The following UNC79 variants were observed in gnomAD, a reference collection of about 807,000 sequenced individuals.
UNC79 encodes the protein unc-79 subunit of NALCN channel complex.
UNC79 carries 37 observed loss-of-function variants against 283.1 expected under a neutral mutation model. The ratio of observed to expected loss-of-function variants is 0.13; its 90% CI spans 0.10 to 0.17. The LOEUF is 0.17. UNC79 is among the 10% of genes least tolerant of loss of function. The probability of loss-of-function intolerance (pLI) is 1.00; values close to 1 mark genes in which losing one functional copy is unlikely to be tolerated. For synonymous variants in UNC79, 1,107 were observed against 1,200.2 expected, an observed-to-expected ratio of 0.92 and a Z score of 1.61; for missense variants, 2,272 against 3,211.1, an observed-to-expected ratio of 0.71 and a Z score of 7.07.
chr14:93,537,595 G>T (rs1414926894), intron 11 of UNC79, among the ~76,000 whole-genome samples: 2 of 152,194 alleles, frequency 1.3e-5, no homozygotes, highest in Non-Finnish European at 1.5e-5. Context: ...CTTCCCTGAT[G>T]TGCTGTGATG....
intron 7 of UNC79, among the ~76,000 whole-genome samples, chr14:93,513,902 C>A (rs1033313228): frequency 6.6e-6 from 1 of 152,108 alleles, no homozygotes; most frequent in Admixed American, 6.6e-5. Flanking sequence ...AACTATGACT[C>A]CTATAGCATT....
chr14:93,609,237 G>A (rs1310158407), intron 26 of UNC79, among the ~76,000 whole-genome samples: 2 of 152,156 alleles, frequency 1.3e-5, no homozygotes, highest in Non-Finnish European at 2.9e-5. Context: ...CACCTTGCAA[G>A]GTGAAGAGAG....
intron 8 of UNC79, 52 bp from the exon 9 acceptor site, chr14:93,528,506 A>T: frequency 2.0e-6 from 3 of 1,524,534 alleles, no homozygotes; most frequent in Non-Finnish European, 2.7e-6. Context: ...GAATATAGGG[A>T]ATGTGATACC....
chr14:93,703,495 C>T (rs1334777547), intron 47 of UNC79, among the ~76,000 whole-genome samples: 1 of 152,144 alleles, frequency 6.6e-6, no homozygotes, highest in Non-Finnish European at 1.5e-5. Flanking sequence ...CTAAACTCCC[C>T]TTTTTATAAG....
At chr14:93,416,823 A>G (rs2055471091) in intron 1 of UNC79, among the ~76,000 whole-genome samples, 1 of 152,052 alleles carries the variant, frequency 6.6e-6, no homozygotes, top group African/African-American at 2.4e-5. Context: ...AGTCTGTTTT[A>G]TCAGAGACTA....
intron 1 of UNC79, among the ~76,000 whole-genome samples, chr14:93,411,852 G>T (rs11621603): frequency 0.71 from 107,460 of 152,064 alleles, 38,452 homozygotes; most frequent in Middle Eastern, 0.78. Context: ...AGGAAACTGA[G>T]AAATATCTAA....
chr14:93,454,330 C>T (rs2056735628), intron 1 of UNC79, among the ~76,000 whole-genome samples: 1 of 152,168 alleles, frequency 6.6e-6, no homozygotes, highest in Non-Finnish European at 1.5e-5. Flanking sequence ...CAGGCATGAG[C>T]CATCACATCT....
chr14:93,486,315 G>A (rs1391113368), intron 4 of UNC79, among the ~76,000 whole-genome samples: 1 of 152,126 alleles, frequency 6.6e-6, no homozygotes, highest in Non-Finnish European at 1.5e-5. Flanking sequence ...TCCTAATAAA[G>A]TTTCTCCTGT....
chr14:93,402,438 A>C (rs2055130056), intron 1 of UNC79, among the ~76,000 whole-genome samples: 2 of 151,974 alleles, frequency 1.3e-5, no homozygotes, highest in African/African-American at 2.4e-5. Context: ...AAAATGCATA[A>C]GGAGGAAAAA....
chr14:93,642,150 C>A (rs147847702), intron 33 of UNC79, among the ~76,000 whole-genome samples: 2 of 152,030 alleles, frequency 1.3e-5, no homozygotes, highest in Non-Finnish European at 2.9e-5. Flanking sequence ...AGGGGCCAGG[C>A]GCGGTGGCTC....
At chr14:93,566,907 A>G (rs146493878) in intron 14 of UNC79, among the ~76,000 whole-genome samples, 121 of 152,194 alleles carry the variant, frequency 8.0e-4, no homozygotes, top group Admixed American at 1.5e-3. Flanking sequence ...TTGAGCCACC[A>G]CGCTCGGCCT....
chr14:93,555,455 G>C (rs2062123199), intron 14 of UNC79, among the ~76,000 whole-genome samples: 1 of 152,030 alleles, frequency 6.6e-6, no homozygotes, highest in Non-Finnish European at 1.5e-5. Context: ...CCAGGCTGGA[G>C]AGCAGTGGTG....
intron 34 of UNC79, among the ~76,000 whole-genome samples, chr14:93,646,341 G>A (rs1393060671): frequency 6.6e-6 from 1 of 152,166 alleles, no homozygotes; most frequent in Non-Finnish European, 1.5e-5. Flanking sequence ...TGGCCTGGCT[G>A]CAGGCACCAT....
At chr14:93,659,946 C>T (rs1199428361) in intron 39 of UNC79, among the ~76,000 whole-genome samples, 1 of 152,106 alleles carries the variant, frequency 6.6e-6, no homozygotes, top group Non-Finnish European at 1.5e-5. Context: ...TCTGTAGTAA[C>T]TTTTTCCTGT....
chr14:93,452,986 T>C (rs1043108773), intron 1 of UNC79, among the ~76,000 whole-genome samples: 2 of 152,228 alleles, frequency 1.3e-5, no homozygotes, highest in Non-Finnish European at 2.9e-5. Flanking sequence ...TTCTTCTGAA[T>C]TCTGTAGTAT....
intron 14 of UNC79, among the ~76,000 whole-genome samples, chr14:93,551,173 C>T (rs1281750496): frequency 6.6e-6 from 1 of 152,184 alleles, no homozygotes; most frequent in Non-Finnish European, 1.5e-5. Flanking sequence ...CCTCAACCTC[C>T]CGAGTAGCTG....
chr14:93,653,044 C>T (rs2070466078), intron 35 of UNC79, among the ~76,000 whole-genome samples: 1 of 152,094 alleles, frequency 6.6e-6, no homozygotes, highest in Non-Finnish European at 1.5e-5. Context: ...ATTAGGTAAG[C>T]AGTACTTCTT....
In UNC79 at chr14:93,617,018, G is replaced by T. The variant is rs1458993502; in HGVS notation, c.4042-104G>T. 18 of 947,356 alleles carry T rather than the reference G, an allele frequency of 1.9e-5. No individual in the cohort carries two copies. The highest frequency in any genetic ancestry group is 2.8e-5 in the Non-Finnish European group (18 of 646,850). 58.7% of individuals were successfully genotyped at this position (947,356 alleles called of 1,614,324 possible). ...CTGTGGGATGCCTGTTAAATATTTT[G>T]CCTGTTAAAAATTTTAACCACTGGG... On this transcript the variant is annotated intron_variant, in intron 27 of 48. Transcript: ENST00000555664. This position sits in a 1 kb window ranked among gnomAD's most constrained non-coding sequence, Gnocchi z 4.5.
At chr14:93,663,781 G>T (rs1018336619) in intron 40 of UNC79, among the ~76,000 whole-genome samples, 1 of 152,042 alleles carries the variant, frequency 6.6e-6, no homozygotes, top group Non-Finnish European at 1.5e-5. Context: ...ACTTAAAAAT[G>T]TAGATCTATA....
Sources: gnomAD v4.1 joint callset for allele counts (sites outside exome capture counted in the v4.1 genomes callset) on GRCh38, gnomAD v4.1.1 for gene constraint, Gnocchi (gnomAD v3.1) non-coding constraint, MANE v1.5 for transcripts, NCBI Gene and HGNC (gene_info 2026-07-23, HGNC 2026-07-21) for gene names.